Variants in HSD17B13 observed in about 807,000 individuals in gnomAD.
The protein encoded by HSD17B13 is hydroxysteroid 17-beta dehydrogenase 13, also known as 17-beta-hydroxysteroid dehydrogenase 13.
Under a neutral mutation model 31.1 loss-of-function variants are expected in HSD17B13, and 26 were observed. That is an observed-to-expected ratio of 0.84 (90% CI 0.61 to 1.16). The LOEUF (loss-of-function observed/expected upper bound fraction) is 1.16. Ranked by LOEUF, HSD17B13 falls within the 50% of genes most tolerant of loss-of-function variation. The pLI is 0.00. For missense variants in HSD17B13, 374 were observed against 366.5 expected, an observed-to-expected ratio of 1.02 and a Z score of -0.17; for synonymous variants, 141 against 133.7, an observed-to-expected ratio of 1.05 and a Z score of -0.38.
chr4:87,314,543 G>A (rs563914077), intron 4 of HSD17B13, among the ~76,000 whole-genome samples: 28 of 152,096 alleles, frequency 1.8e-4, no homozygotes, highest in African/African-American at 6.3e-4. Context: ...CATCCTTAAC[G>A]CCTCTCACCT....
In HSD17B13 at chr4:87,306,905, T is replaced by TAAAAA. The variant is rs67775053; in HGVS notation, c.813-1602_813-1598dup. 1.6e-3 allele frequency among the ~76,000 whole-genome samples: 69 copies of TAAAAA among 44,318 alleles called. 8 individuals are homozygous for TAAAAA. The highest frequency in any genetic ancestry group is 7.2e-3 in the African/African-American group (58 of 8,108). 29.1% of individuals were successfully genotyped at this position (44,318 alleles called of 152,430 possible). A position where few individuals can be genotyped will look rare whatever the true frequency, so the allele number is the denominator to read the frequency against. On this transcript the variant is annotated intron_variant, in intron 6 of 6. Coordinates refer to ENST00000328546, the MANE Select transcript of HSD17B13 (RefSeq NM_178135.5). ...CTGGGCAACAGAGTGAGACCCAATC[T>TAAAAA]AAAAAAAAAAAAAAAAAAAAAAAAA...
At position 87,303,989 on chromosome 4, in the gene HSD17B13, T is replaced by C. The variant is rs1269385199; in HGVS notation, c.*1229A>G. ...ACACAAAACAAGATTAGTCTTGATG[T>C]AGTGGGAGTCGGATTATTTTTTCTA... On this transcript the variant is annotated 3_prime_UTR_variant, in exon 7 of 7. Transcript: ENST00000328546. The C allele has an allele frequency of 6.6e-6, 1 of 151,856 alleles. No individual in the cohort carries two copies. The highest frequency in any genetic ancestry group is 6.6e-5 in the Admixed American group (1 of 15,242). 9.4% of individuals were successfully genotyped at this position (151,856 alleles called of 1,614,324 possible).
intron 3 of HSD17B13, among the ~76,000 whole-genome samples, 171 bp from the exon 4 acceptor site, chr4:87,315,770 T>C (rs568737014): frequency 1.3e-5 from 2 of 152,286 alleles, no homozygotes; most frequent in African/African-American, 4.8e-5. Flanking sequence ...GAAATAAAGA[T>C]ACAAATTTAT....
At chr4:87,319,768 A>T (rs939442292) in intron 1 of HSD17B13, among the ~76,000 whole-genome samples, 3 of 152,208 alleles carry the variant, frequency 2.0e-5, no homozygotes, top group African/African-American at 7.2e-5. Flanking sequence ...TTATGTACCA[A>T]ACTTGCCCAT....
At position 87,319,235 on chromosome 4, in the gene HSD17B13, T is replaced by C. The variant is rs577675506; in HGVS notation, c.211-799A>G. Reference sequence around the variant, plus strand: ...TTGTTAGAAAATTTCTTGAGAGTGATTGCCTAGTTGCAATGAGATTACCCC... The same window carrying C: ...TTGTTAGAAAATTTCTTGAGAGTGACTGCCTAGTTGCAATGAGATTACCCC... On this transcript the variant is annotated intron_variant, in intron 1 of 6. Transcript: ENST00000328546. 1.8e-3 allele frequency among the ~76,000 whole-genome samples: 270 copies of C among 152,352 alleles called. 3 individuals are homozygous for C. The highest frequency in any genetic ancestry group is 6.8e-3 in the Middle Eastern group (2 of 294).
At chr4:87,307,812 C>T (rs555085076) in intron 6 of HSD17B13, among the ~76,000 whole-genome samples, 13 of 152,120 alleles carry the variant, frequency 8.5e-5, no homozygotes, top group South Asian at 6.2e-4. Context: ...AGTCAACTCG[C>T]GAGATGATGT....
At position 87,318,348 on chromosome 4, in the gene HSD17B13, ATCTCT is replaced by A. The variant is rs540096704; in HGVS notation, c.294_298del (p.Glu98AspfsTer14). The A allele has an allele frequency of 4.7e-4, 754 of 1,613,540 alleles. 3 individuals are homozygous for A. In the Middle Eastern group the frequency reaches 6.9e-3, roughly 15 times the overall value. On this transcript the variant is annotated frameshift_variant, in exon 2 of 7. Coordinates refer to ENST00000328546, the MANE Select transcript of HSD17B13 (RefSeq NM_178135.5). LOFTEE classifies it high-confidence loss of function. Reference sequence around the variant, plus strand: ...TCTCACCTGATTTAGAGAGCGATAGATCTCTTCTCTGTTGCTGCAGTCTACCACAT... The same window carrying A: ...TCTCACCTGATTTAGAGAGCGATAGATCTCTGTTGCTGCAGTCTACCACAT...
Position 87,313,822 on chromosome 4 carries a change from C to A in HSD17B13, c.695+1G>T, listed in dbSNP as rs1160431987. ...CCATTCTAACTTGATTTTGACCTTACCTTGTGCTTGGATTTTTGGTGAACC... is the reference window on the plus strand; with the variant it reads ...CCATTCTAACTTGATTTTGACCTTAACTTGTGCTTGGATTTTTGGTGAACC... On this transcript the variant is annotated splice_donor_variant, in intron 5 of 6. Coordinates refer to ENST00000328546, the MANE Select transcript of HSD17B13 (RefSeq NM_178135.5). LOFTEE classifies it high-confidence loss of function. 14 of 1,610,256 alleles carry A rather than the reference C, an allele frequency of 8.7e-6. No homozygotes were observed. Among genetic ancestry groups the A allele is most frequent in the African/African-American group, 2.7e-5 (2 of 74,502 alleles).
rs1438822559 is a variant in HSD17B13, at chr4:87,304,072, G to C, written c.*1146C>G. 1 of 151,818 alleles carries C rather than the reference G, an allele frequency of 6.6e-6. No homozygotes were observed. Among genetic ancestry groups the C allele is most frequent in the African/African-American group, 2.4e-5 (1 of 41,326 alleles). 9.4% of individuals were successfully genotyped at this position (151,818 alleles called of 1,614,324 possible). On this transcript the variant is annotated 3_prime_UTR_variant, in exon 7 of 7. Coordinates refer to ENST00000328546, the MANE Select transcript of HSD17B13 (RefSeq NM_178135.5). ...CACCCGTAATCCCAGCACTTTGGGAGGCCGAGGCAGGTGGATCACGAGGTC... is the reference window on the plus strand; with the variant it reads ...CACCCGTAATCCCAGCACTTTGGGACGCCGAGGCAGGTGGATCACGAGGTC...
intron 6 of HSD17B13, 73 bp from the exon 7 acceptor site, chr4:87,305,381 C>A (rs7692397): frequency 0.23 from 217,499 of 944,896 alleles, 25,490 homozygotes; most frequent in South Asian, 0.31. Flanking sequence ...TGTTTTTGGT[C>A]ATTTAGAATA....
At chr4:87,307,560 TGG>T (rs1734420064) in intron 6 of HSD17B13, among the ~76,000 whole-genome samples, 1 of 152,214 alleles carries the variant, frequency 6.6e-6, no homozygotes, top group African/African-American at 2.4e-5. Flanking sequence ...TTGCCCAGGC[TGG>T]AGTGCAGTGG....
At position 87,317,089 on chromosome 4, in the gene HSD17B13, C is replaced by G; in HGVS notation, c.450+3G>C. On this transcript the variant is annotated splice_donor_region_variant and intron_variant, in intron 3 of 6. Coordinates refer to ENST00000328546, the MANE Select transcript of HSD17B13 (RefSeq NM_178135.5). Reference sequence around the variant, plus strand: ...ATCAGAAATGTTTCTGACTCACACTCACCCAAAAATGTCCTAGGATGTTGA... The same window carrying G: ...ATCAGAAATGTTTCTGACTCACACTGACCCAAAAATGTCCTAGGATGTTGA... The G allele has an allele frequency of 6.2e-7, 1 of 1,613,822 alleles. No homozygotes were observed. The highest frequency in any genetic ancestry group is 8.5e-7 in the Non-Finnish European group (1 of 1,179,778).
At chr4:87,314,487 C>G (rs1734601750) in intron 4 of HSD17B13, among the ~76,000 whole-genome samples, 1 of 152,016 alleles carries the variant, frequency 6.6e-6, no homozygotes, top group Admixed American at 6.6e-5. Flanking sequence ...TTATGAGGAT[C>G]TGGAGAAGAG....
chr4:87,317,576 T>C (rs866759244), intron 2 of HSD17B13, among the ~76,000 whole-genome samples: 3 of 127,294 alleles, frequency 2.4e-5, no homozygotes, highest in Non-Finnish European at 3.3e-5. Context: ...TTTTTTTTTT[T>C]TTTTTTTTTT....
At chr4:87,307,811 G>A (rs977994055) in intron 6 of HSD17B13, among the ~76,000 whole-genome samples, 1 of 152,034 alleles carries the variant, frequency 6.6e-6, no homozygotes, top group African/African-American at 2.4e-5. Context: ...TAGTCAACTC[G>A]CGAGATGATG....
Position 87,310,268 on chromosome 4 carries a change from T to C in HSD17B13, c.787A>G (p.Ile263Val). Reference protein sequence around the residue: ...NKKMIFVPSYINIFLRLQKFL... With the variant: ...NKKMIFVPSYVNIFLRLQKFL... The stretch of plus-strand genomic sequence containing the variant: ...TTCTGTAGTCTCAGAAAGATATTGA[T>C]ATACGATGGAACAAAAATCATTTTC... Residue 263 changes from isoleucine to valine, a missense_variant, in exon 6 of 7, where the codon ATC (isoleucine) becomes GTC (valine). Ile to Val is a conservative substitution (Grantham distance 29). Coordinates refer to ENST00000328546, the MANE Select transcript of HSD17B13 (RefSeq NM_178135.5). The C allele has an allele frequency of 2.5e-6, 4 of 1,576,606 alleles. No homozygotes were observed. The highest frequency in any genetic ancestry group is 3.4e-6 in the Non-Finnish European group (4 of 1,167,060).
chr4:87,321,690 G>A (rs1734789953), intron 1 of HSD17B13, among the ~76,000 whole-genome samples: 1 of 151,900 alleles, frequency 6.6e-6, no homozygotes, highest in Non-Finnish European at 1.5e-5. Context: ...TAGCTTTTTT[G>A]TATAGTATTC....
At chr4:87,313,989 C>T (rs752472433) in intron 4 of HSD17B13, 29 bp from the exon 5 acceptor site, 1 of 1,474,330 alleles carries the variant, frequency 6.8e-7, no homozygotes, top group Non-Finnish European at 9.0e-7. Context: ...GCATTGTTAG[C>T]TAAGGGAGAG....
At chr4:87,305,399 A>G (rs1247545542) in intron 6 of HSD17B13, 91 bp from the exon 7 acceptor site, 1 of 703,538 alleles carries the variant, frequency 1.4e-6, no homozygotes, top group Admixed American at 3.3e-5. Context: ...ATACGCTGAG[A>G]GTTATCTGGT....
Sources: gnomAD v4.1 joint callset for allele counts (sites outside exome capture counted in the v4.1 genomes callset) on GRCh38, gnomAD v4.1.1 for gene constraint, MANE v1.5 for transcripts, NCBI Gene and HGNC (gene_info 2026-07-23, HGNC 2026-07-21) for gene names.